Variants in CSMD1 observed in about 807,000 individuals in gnomAD.
The protein encoded by CSMD1 is CUB and sushi domain-containing protein 1.
Under a neutral mutation model 417.5 loss-of-function variants are expected in CSMD1, and 213 were observed. The observed-to-expected ratio is 0.51, with a 90% CI of 0.46 to 0.57. The LOEUF (loss-of-function observed/expected upper bound fraction) is 0.57, where lower values mean the gene tolerates loss of function less well. Ranked by LOEUF, CSMD1 falls within the 20% of genes least tolerant of loss-of-function variation. CSMD1 has a pLI of 0.00. For synonymous variants in CSMD1, 2,862 were observed against 1,736.8 expected (o/e 1.65, Z -16.11); for missense variants, 6,923 against 4,529.7 (o/e 1.53, Z -15.17).
chr8:4,399,162 A>C (rs1274226682), intron 3 of CSMD1, among the ~76,000 whole-genome samples: 2 of 152,196 alleles, frequency 1.3e-5, no homozygotes, highest in Non-Finnish European at 2.9e-5. Context: ...TGTGATCAGC[A>C]TACAGATTAA....
At chr8:3,747,575 AGTTT>A (rs1468634194) in intron 6 of CSMD1, among the ~76,000 whole-genome samples, 2 of 151,136 alleles carry the variant, frequency 1.3e-5, no homozygotes, top group African/African-American at 4.9e-5. Flanking sequence ...TCTCTTTCCA[AGTTT>A]GTTTATTACT....
chr8:4,578,219 G>C (rs1021979731), intron 2 of CSMD1, among the ~76,000 whole-genome samples: 4 of 151,924 alleles, frequency 2.6e-5, no homozygotes, highest in African/African-American at 7.3e-5. Context: ...GGAGTGCAGT[G>C]GCGTGATCTC....
chr8:3,447,774 G>T (rs947147905), intron 12 of CSMD1, among the ~76,000 whole-genome samples: 2 of 152,214 alleles, frequency 1.3e-5, no homozygotes, highest in Non-Finnish European at 2.9e-5. Flanking sequence ...GTTCCTGGAT[G>T]TGGCAGTGGA....
intron 1 of CSMD1, among the ~76,000 whole-genome samples, chr8:4,746,366 C>CGTT (rs1296415060): frequency 1.3e-5 from 2 of 152,124 alleles, no homozygotes; most frequent in African/African-American, 4.8e-5. Context: ...TGGTTTTAAG[C>CGTT]GTTAGTCCTT....
chr8:3,268,154 T>C (rs774254064), intron 26 of CSMD1, among the ~76,000 whole-genome samples: 79 of 151,768 alleles, frequency 5.2e-4, no homozygotes, highest in Non-Finnish European at 9.0e-4. Context: ...GATATCTGAA[T>C]GAATGAATGA....
chr8:4,183,274 T>TAAA (rs1286664388), intron 3 of CSMD1, among the ~76,000 whole-genome samples: 1 of 152,130 alleles, frequency 6.6e-6, no homozygotes, highest in Admixed American at 6.6e-5. Flanking sequence ...TTTAATTCTG[T>TAAA]AAAAAAATAT....
intron 1 of CSMD1, among the ~76,000 whole-genome samples, chr8:4,969,383 G>T (rs1343586504): frequency 6.6e-6 from 1 of 151,678 alleles, no homozygotes; most frequent in Non-Finnish European, 1.5e-5. Flanking sequence ...AAACGAGATG[G>T]GGATGCTCTT....
At chr8:4,850,071 C>T (rs1007443106) in intron 1 of CSMD1, among the ~76,000 whole-genome samples, 1 of 152,134 alleles carries the variant, frequency 6.6e-6, no homozygotes, top group Admixed American at 6.6e-5. Context: ...TCTTGCCATC[C>T]TGGTGGGTGT....
At chr8:4,769,459 T>G (rs1404680524) in intron 1 of CSMD1, among the ~76,000 whole-genome samples, 3 of 152,208 alleles carry the variant, frequency 2.0e-5, no homozygotes, top group African/African-American at 7.2e-5. Flanking sequence ...GAAGATCACT[T>G]ATGAAGATAA....
intron 3 of CSMD1, among the ~76,000 whole-genome samples, chr8:4,140,069 A>G (rs1035078412): frequency 2.0e-5 from 3 of 151,012 alleles, no homozygotes; most frequent in East Asian, 3.9e-4. Flanking sequence ...AAATAAGACA[A>G]TAGCCAGGTA....
intron 7 of CSMD1, among the ~76,000 whole-genome samples, chr8:3,654,825 T>C (rs1437015981): frequency 6.6e-6 from 1 of 151,998 alleles, no homozygotes; most frequent in Non-Finnish European, 1.5e-5. Context: ...GCGCCCAGGA[T>C]CCATAGAACA....
At chr8:3,907,935 T>A (rs930407400) in intron 5 of CSMD1, among the ~76,000 whole-genome samples, 1 of 152,242 alleles carries the variant, frequency 6.6e-6, no homozygotes, top group South Asian at 2.1e-4. Context: ...ATTCACTGAT[T>A]GATTTTTTTG....
At chr8:3,883,345 A>T (rs1350650585) in intron 5 of CSMD1, among the ~76,000 whole-genome samples, 1 of 152,178 alleles carries the variant, frequency 6.6e-6, no homozygotes, top group East Asian at 1.9e-4. Context: ...ACACTAAAAA[A>T]GTCAATTAAC....
At chr8:3,671,808 T>C (rs372581854) in intron 7 of CSMD1, among the ~76,000 whole-genome samples, 1 of 151,872 alleles carries the variant, frequency 6.6e-6, no homozygotes, top group Non-Finnish European at 1.5e-5. Context: ...GCTTGGAGCC[T>C]AGAACTTCAG....
At chr8:3,515,881 G>A (rs1249499117) in intron 10 of CSMD1, among the ~76,000 whole-genome samples, 1 of 152,186 alleles carries the variant, frequency 6.6e-6, no homozygotes, top group Non-Finnish European at 1.5e-5. Flanking sequence ...ACTTCTCATA[G>A]CATATCTTGA....
rs138553767 is a variant in CSMD1 at position 3,288,542 on chromosome 8, C to T, written c.3951-4196G>A. Among the ~76,000 whole-genome samples the T allele has an allele frequency of 4.2e-4, 62 of 147,216 alleles. 8 individuals carry two copies. The highest frequency in any genetic ancestry group is 2.8e-3 in the Admixed American group (42 of 14,956). On this transcript the variant is annotated intron_variant, in intron 25 of 69. Transcript: ENST00000635120. ...TTTAGTCTTGGCAGGATGTATGTGT[C>T]GAAGAATTTATCCATTTCTTCTAGA...
intron 5 of CSMD1, among the ~76,000 whole-genome samples, chr8:3,793,698 G>C (rs554978401): frequency 1.3e-5 from 2 of 152,156 alleles, no homozygotes; most frequent in Non-Finnish European, 2.9e-5. Context: ...TTCAGGGTAA[G>C]TTAATATGTT....
At chr8:3,347,609 C>T (rs1341959948) in intron 22 of CSMD1, among the ~76,000 whole-genome samples, 1 of 152,190 alleles carries the variant, frequency 6.6e-6, no homozygotes, top group Non-Finnish European at 1.5e-5. Context: ...ATAATTACAA[C>T]TATGTGCTAG....
intron 1 of CSMD1, among the ~76,000 whole-genome samples, chr8:4,946,010 G>C (rs757145480): frequency 9.2e-5 from 14 of 152,288 alleles, no homozygotes; most frequent in Non-Finnish European, 1.8e-4. Context: ...ATAAGAACCA[G>C]TGGGCTCTTG....
Sources: gnomAD v4.1 joint callset for allele counts (sites outside exome capture counted in the v4.1 genomes callset) on GRCh38, gnomAD v4.1.1 for gene constraint, MANE v1.5 for transcripts, NCBI Gene and HGNC (gene_info 2026-07-23, HGNC 2026-07-21) for gene names.